CACNA2D3: variants seen among roughly 807,000 people sequenced by gnomAD.
CACNA2D3 encodes calcium voltage-gated channel auxiliary subunit alpha2delta 3, also known as voltage-dependent calcium channel subunit alpha-2/delta-3.
A neutral mutation model predicts 160.6 loss-of-function variants in CACNA2D3; 60 were observed. The observed-to-expected ratio is 0.37, with a 90% CI of 0.30 to 0.46. The LOEUF (loss-of-function observed/expected upper bound fraction) is 0.46, where lower values mean the gene tolerates loss of function less well. Among genes scored for constraint, CACNA2D3 ranks in the 20% least tolerant of loss-of-function variants. The pLI is 1.00. For synonymous variants in CACNA2D3, 558 were observed against 492.9 expected (o/e 1.13, Z -1.75); for missense variants, 1,205 against 1,365.0 (o/e 0.88, Z 1.85).
chr3:54,794,608 T>A lies in CACNA2D3; in HGVS notation c.1381-22245T>A, dbSNP rs538152811. Reference sequence around the variant, plus strand: ...GGCAGTGAGTTCTCTCAGATATATTTTTTTTTTTTTTGGTATGAAAGCATT... The same window carrying A: ...GGCAGTGAGTTCTCTCAGATATATTATTTTTTTTTTTGGTATGAAAGCATT... On this transcript the variant is annotated intron_variant, in intron 13 of 37. Coordinates refer to ENST00000474759, the MANE Select transcript of CACNA2D3 (RefSeq NM_018398.3). Among the ~76,000 whole-genome samples, 1,097 of 151,590 alleles carry A rather than the reference T, an allele frequency of 7.2e-3. 12 individuals carry two copies. The highest frequency in any genetic ancestry group is 0.024 in the African/African-American group (1,012 of 41,418).
chr3:54,242,990 A>G, intron 2 of CACNA2D3, among the ~76,000 whole-genome samples: 1 of 152,214 alleles, frequency 6.6e-6, no homozygotes, highest in Admixed American at 6.5e-5. Flanking sequence ...CTCTGTAGAA[A>G]TTACTCTTCT....
intron 4 of CACNA2D3, among the ~76,000 whole-genome samples, chr3:54,422,497 G>A (rs1005061160): frequency 6.6e-6 from 1 of 152,164 alleles, no homozygotes; most frequent in Admixed American, 6.5e-5. Context: ...AAACTCATCA[G>A]TATCAATCTG....
intron 2 of CACNA2D3, among the ~76,000 whole-genome samples, chr3:54,150,852 A>G (rs369026492): frequency 1.4e-5 from 2 of 141,400 alleles, no homozygotes; most frequent in Admixed American, 1.4e-4. Flanking sequence ...GGATGGATGG[A>G]TGAGTGGGTG....
At chr3:54,345,469 T>G (rs1181260971) in intron 3 of CACNA2D3, among the ~76,000 whole-genome samples, 1 of 152,194 alleles carries the variant, frequency 6.6e-6, no homozygotes, top group East Asian at 1.9e-4. Flanking sequence ...AGAAGATACC[T>G]AAGAGGGAGA....
chr3:54,906,877 C>T (rs1184443749), intron 27 of CACNA2D3, among the ~76,000 whole-genome samples: 1 of 152,162 alleles, frequency 6.6e-6, no homozygotes, highest in Non-Finnish European at 1.5e-5. Flanking sequence ...TATTTAAAGT[C>T]TACAGCAGAG....
At chr3:54,317,899 G>A (rs1465856800) in intron 2 of CACNA2D3, among the ~76,000 whole-genome samples, 1 of 152,132 alleles carries the variant, frequency 6.6e-6, no homozygotes, top group East Asian at 1.9e-4. Context: ...TGTGATAACA[G>A]CATTAATCCA....
At chr3:54,350,731 C>T (rs1698537528) in intron 3 of CACNA2D3, among the ~76,000 whole-genome samples, 2 of 152,160 alleles carry the variant, frequency 1.3e-5, no homozygotes, top group Non-Finnish European at 2.9e-5. Context: ...TTTCGAGATA[C>T]TCGAAGCATC....
chr3:54,155,429 C>T (rs1700229108), intron 2 of CACNA2D3, among the ~76,000 whole-genome samples: 1 of 152,184 alleles, frequency 6.6e-6, no homozygotes, highest in Non-Finnish European at 1.5e-5. Flanking sequence ...CCATCTTTAC[C>T]TGCCTTGGCT....
At position 55,059,698 on chromosome 3, in the gene CACNA2D3, C is replaced by T. The variant is rs574693107; in HGVS notation, c.2988-13747C>T. Among the ~76,000 whole-genome samples the T allele has an allele frequency of 8.5e-5, 13 of 152,186 alleles. No individual in the cohort carries two copies. The South Asian group carries it at 1.9e-3, about 22-fold the overall frequency. On this transcript the variant is annotated intron_variant, in intron 35 of 37. Transcript: ENST00000474759. Reference sequence around the variant, plus strand: ...GGTACCCGGGTTCTTGTCCAGCATCCGAGAAGAATCAGGTCACATATGGAC... The same window carrying T: ...GGTACCCGGGTTCTTGTCCAGCATCTGAGAAGAATCAGGTCACATATGGAC...
intron 35 of CACNA2D3, among the ~76,000 whole-genome samples, chr3:55,055,867 A>T (rs1432850000): frequency 4.6e-5 from 7 of 152,104 alleles, no homozygotes; most frequent in Non-Finnish European, 8.8e-5. Flanking sequence ...AGAAATGCTA[A>T]AAACTACACA....
intron 2 of CACNA2D3, among the ~76,000 whole-genome samples, chr3:54,163,399 T>A (rs1033348778): frequency 5.3e-5 from 8 of 152,148 alleles, no homozygotes; most frequent in African/African-American, 1.9e-4. Flanking sequence ...GTTCCTTTCA[T>A]CCCAGGACTC....
At chr3:54,856,411 T>G (rs564469254) in intron 17 of CACNA2D3, among the ~76,000 whole-genome samples, 2 of 152,232 alleles carry the variant, frequency 1.3e-5, no homozygotes, top group African/African-American at 4.8e-5. Context: ...AGTTACTTGC[T>G]CATTTGTGTG....
intron 6 of CACNA2D3, among the ~76,000 whole-genome samples, chr3:54,567,277 G>T (rs912076821): frequency 6.6e-6 from 1 of 152,152 alleles, no homozygotes; most frequent in Non-Finnish European, 1.5e-5. Context: ...TTTTTGATCA[G>T]ATATTTTAGA....
At position 54,662,539 on chromosome 3, in the gene CACNA2D3, G is replaced by C. The variant is rs189214331; in HGVS notation, c.1167+20298G>C. Among the ~76,000 whole-genome samples, 398 of 152,326 alleles carry C rather than the reference G, an allele frequency of 2.6e-3. 4 individuals are homozygous for C. Among genetic ancestry groups the C allele is most frequent in the African/African-American group, 9.1e-3 (379 of 41,586 alleles). ...GCCAAGAATTCCCTGTTTCTCTGCT[G>C]TTGGTGGCCCCGTCCATAGGTCGTC... On this transcript the variant is annotated intron_variant, in intron 11 of 37. Transcript: ENST00000474759.
At chr3:54,646,315 A>G (rs976773498) in intron 11 of CACNA2D3, among the ~76,000 whole-genome samples, 1 of 150,950 alleles carries the variant, frequency 6.6e-6, no homozygotes, top group African/African-American at 2.4e-5. Context: ...TACATAGGTA[A>G]ACATGTGCCA....
intron 13 of CACNA2D3, among the ~76,000 whole-genome samples, chr3:54,787,550 C>T (rs1702665165): frequency 6.6e-6 from 1 of 152,158 alleles, no homozygotes; most frequent in Non-Finnish European, 1.5e-5. Context: ...ATTTCATATG[C>T]ACATGGGGGG....
chr3:54,667,007 G>A (rs1157260520), intron 11 of CACNA2D3, among the ~76,000 whole-genome samples: 1 of 152,182 alleles, frequency 6.6e-6, no homozygotes, highest in Non-Finnish European at 1.5e-5. Flanking sequence ...CCTGTCAGAA[G>A]AGCCATTCAT....
intron 2 of CACNA2D3, among the ~76,000 whole-genome samples, chr3:54,187,101 C>T (rs934865746): frequency 1.2e-4 from 18 of 152,280 alleles, no homozygotes; most frequent in African/African-American, 4.3e-4. Flanking sequence ...CTGTAGGACG[C>T]GGTGACTTTC....
intron 14 of CACNA2D3, among the ~76,000 whole-genome samples, chr3:54,833,590 GA>G (rs368583157): frequency 1.2e-4 from 18 of 144,942 alleles, no homozygotes; most frequent in South Asian, 2.2e-4. Flanking sequence ...GGTGGTCTGG[GA>G]AAAAAAAAAC....
Sources: allele counts gnomAD v4.1 joint callset (sites outside exome capture counted in the v4.1 genomes callset), GRCh38; gene constraint gnomAD v4.1.1; transcripts MANE v1.5; gene names NCBI Gene and HGNC (gene_info 2026-07-23, HGNC 2026-07-21).